Variants in SNX31 observed in about 807,000 individuals in gnomAD.
The protein encoded by SNX31 is sorting nexin-31.
SNX31 carries 58 observed loss-of-function variants against 65.4 expected under a neutral mutation model. That is an observed-to-expected ratio of 0.89 (90% CI 0.72 to 1.10). SNX31 has a LOEUF of 1.10. SNX31 is among the 50% of genes least tolerant of loss of function. The probability of loss-of-function intolerance (pLI) is 0.00; values close to 1 mark genes in which losing one functional copy is unlikely to be tolerated. For synonymous variants in SNX31, 181 were observed against 190.1 expected, an observed-to-expected ratio of 0.95 and a Z score of 0.39; for missense variants, 523 against 529.7, an observed-to-expected ratio of 0.99 and a Z score of 0.12.
At chr8:100,616,063 A>C (rs528759411) in intron 5 of SNX31, among the ~76,000 whole-genome samples, 25 of 152,316 alleles carry the variant, frequency 1.6e-4, no homozygotes, top group Admixed American at 3.9e-4. Flanking sequence ...CGTGAGCCAC[A>C]GTGCCTGGCC....
At chr8:100,659,823 C>T (rs1365688983) in intron 1 of SNX31, among the ~76,000 whole-genome samples, 1 of 152,098 alleles carries the variant, frequency 6.6e-6, no homozygotes, top group African/African-American at 2.4e-5. Flanking sequence ...AAGTTACCCC[C>T]AACCACAAAA....
At chr8:100,654,043 T>C (rs147386025), upstream of SNX31, among the ~76,000 whole-genome samples, 22 of 152,318 alleles carry the variant, frequency 1.4e-4, no homozygotes, top group African/African-American at 4.3e-4. Context: ...TCTTGCTCTG[T>C]TGCCCAGGTT....
intron 2 of SNX31, among the ~76,000 whole-genome samples, chr8:100,643,604 A>G (rs1819423301): frequency 6.6e-6 from 1 of 152,170 alleles, no homozygotes; most frequent in African/African-American, 2.4e-5. Flanking sequence ...GATCCTCAGC[A>G]CCATGAACCT....
At position 100,648,211 on chromosome 8, in the gene SNX31, T is replaced by C. The variant is rs1819772479; in HGVS notation, c.141+1063A>G. On this transcript the variant is annotated intron_variant, in intron 2 of 13. Transcript: ENST00000311812. This position sits in a 1 kb window ranked among gnomAD's most constrained non-coding sequence, Gnocchi z 4.3. ...CAGAAGATGGTTAAATGAAACATGG[T>C]GTATCTAACTCACTAGAAACCCAGA... 6.6e-6 allele frequency among the ~76,000 whole-genome samples: 1 copy of C among 152,096 alleles called. No individual in the cohort carries two copies. The highest frequency in any genetic ancestry group is 6.6e-5 in the Admixed American group (1 of 15,262).
chr8:100,601,067 T>C (rs1815579417), intron 8 of SNX31, among the ~76,000 whole-genome samples: 1 of 152,122 alleles, frequency 6.6e-6, no homozygotes, highest in Non-Finnish European at 1.5e-5. Context: ...AACACAGATA[T>C]TGGAAAAAAT....
At chr8:100,661,045 G>A (rs538088430) in intron 1 of SNX31, among the ~76,000 whole-genome samples, 56 of 139,782 alleles carry the variant, frequency 4.0e-4, no homozygotes, top group Middle Eastern at 7.9e-3. Flanking sequence ...TCTCTCTGTC[G>A]CCCAGGCTGG....
rs948021920 is a variant in SNX31, at chr8:100,625,418, T to C, written c.321+4909A>G. 6.7e-6 allele frequency among the ~76,000 whole-genome samples: 1 copy of C among 148,474 alleles called. No individual in the cohort carries two copies. Among genetic ancestry groups the C allele is most frequent in the Non-Finnish European group, 1.5e-5 (1 of 67,236 alleles). Reference sequence around the variant, plus strand: ...GCACCATGGCTATTAGACATTCCTCTGCCTCAGAGCAGAATAGCAACAAAG... The same window carrying C: ...GCACCATGGCTATTAGACATTCCTCCGCCTCAGAGCAGAATAGCAACAAAG... On this transcript the variant is annotated intron_variant, in intron 4 of 13. Coordinates refer to ENST00000311812, the MANE Select transcript of SNX31 (RefSeq NM_152628.4). This position sits in a 1 kb window ranked among gnomAD's most constrained non-coding sequence, Gnocchi z 4.2.
intron 3 of SNX31, among the ~76,000 whole-genome samples, chr8:100,634,403 T>C (rs1286837760): frequency 6.6e-6 from 1 of 152,178 alleles, no homozygotes; most frequent in Non-Finnish European, 1.5e-5. Context: ...CAGAAACTTT[T>C]TTTTTAACCT....
chr8:100,646,059 T>C (rs945252054), intron 2 of SNX31, among the ~76,000 whole-genome samples: 2 of 151,988 alleles, frequency 1.3e-5, no homozygotes, highest in Admixed American at 6.6e-5. Context: ...ATGAAGGGGA[T>C]TGAGAGCAAA....
rs563747210 is a variant in SNX31 at position 100,622,514 on chromosome 8, G to A, written c.322-4784C>T. 1.3e-5 allele frequency among the ~76,000 whole-genome samples: 2 copies of A among 152,122 alleles called. No homozygotes were observed. Among genetic ancestry groups the A allele is most frequent in the African/African-American group, 2.4e-5 (1 of 41,520 alleles). On this transcript the variant is annotated intron_variant, in intron 4 of 13. Transcript: ENST00000311812. The surrounding 1 kb of genome is among the most constrained non-coding windows in gnomAD (Gnocchi z 5.0). ...TAAAATACAGAAATTAGCTGGGCGT[G>A]GTGGCACATGCCTGTAATCTCAGCT...
intron 1 of SNX31, among the ~76,000 whole-genome samples, chr8:100,661,054 G>A (rs556791363): frequency 4.2e-4 from 63 of 149,842 alleles, no homozygotes; most frequent in Middle Eastern, 3.4e-3. Flanking sequence ...CGCCCAGGCT[G>A]GAGTGCAGTG....
In SNX31 at chr8:100,596,732, A is replaced by G. The variant is rs1468447746; in HGVS notation, c.885T>C (p.Asn295=). 1.9e-6 allele frequency: 3 copies of G among 1,613,344 alleles called. No individual in the cohort carries two copies. The highest frequency in any genetic ancestry group is 2.5e-6 in the Non-Finnish European group (3 of 1,179,472). ...GSGAVLSVGN[N]EISCCITLPD... ...GCAGGGTGATGCAGCAGCTGATCTC[A>G]TTATTGCCAACAGAAAGAACAGCTC... The change falls in exon 10 of 14, where the codon AAT becomes AAC. Residue 295 remains asparagine (N), a synonymous_variant. Coordinates refer to ENST00000311812, the MANE Select transcript of SNX31 (RefSeq NM_152628.4).
At chr8:100,659,888 C>A (rs1047811633) in intron 1 of SNX31, among the ~76,000 whole-genome samples, 14 of 152,002 alleles carry the variant, frequency 9.2e-5, no homozygotes, top group African/African-American at 3.1e-4. Context: ...TCACTTAATC[C>A]TTTTCCTTTT....
chr8:100,643,038 A>G (rs927440798), intron 2 of SNX31, among the ~76,000 whole-genome samples: 5 of 152,100 alleles, frequency 3.3e-5, no homozygotes, highest in African/African-American at 1.2e-4. Context: ...TAAAAATACA[A>G]AAATTAGCCA....
chr8:100,659,100 C>T (rs577383121), intron 1 of SNX31, among the ~76,000 whole-genome samples: 9 of 152,040 alleles, frequency 5.9e-5, no homozygotes, highest in Non-Finnish European at 1.3e-4. Context: ...AATACCAGCA[C>T]TTTGGGAGGC....
chr8:100,601,662 C>T (rs1342956065), intron 8 of SNX31, among the ~76,000 whole-genome samples: 1 of 152,160 alleles, frequency 6.6e-6, no homozygotes, highest in South Asian at 2.1e-4. Context: ...ATTGTTGGGT[C>T]CTGTCTGGTC....
At position 100,622,681 on chromosome 8, in the gene SNX31, TAAATAAATAAATAA is replaced by T. The variant is rs1197175619; in HGVS notation, c.322-4965_322-4952del. Among the ~76,000 whole-genome samples, 1 of 151,266 alleles carries T rather than the reference TAAATAAATAAATAA, an allele frequency of 6.6e-6. No individual in the cohort carries two copies. The highest frequency in any genetic ancestry group is 1.9e-4 in the East Asian group (1 of 5,180). Reference sequence around the variant, plus strand: ...ATAAATAAGTAAATAAATAAATAAATAAATAAATAAATAAAAATAAAAATAAATTAAATGGGGGC... The same window carrying T: ...ATAAATAAGTAAATAAATAAATAAATAAATAAAAATAAATTAAATGGGGGC... On this transcript the variant is annotated intron_variant, in intron 4 of 13. Transcript: ENST00000311812. The surrounding 1 kb of genome is among the most constrained non-coding windows in gnomAD (Gnocchi z 5.0).
In SNX31 at chr8:100,612,214, G is replaced by T; in HGVS notation, c.524-127C>A. 4 of 589,272 alleles carry T rather than the reference G, an allele frequency of 6.8e-6. No individual in the cohort carries two copies. Among genetic ancestry groups the T allele is most frequent in the South Asian group, 2.4e-5 (1 of 41,498 alleles). The allele number at this position is 589,272 out of a possible 1,614,324, so 36.5% of individuals were successfully genotyped here. A position where few individuals can be genotyped will look rare whatever the true frequency, so the allele number is the denominator to read the frequency against. On this transcript the variant is annotated intron_variant, in intron 6 of 13. Transcript: ENST00000311812. This position sits in a 1 kb window ranked among gnomAD's most constrained non-coding sequence, Gnocchi z 4.3. The stretch of plus-strand genomic sequence containing the variant: ...TAAAATCACAGTAAGAATATCCTCT[G>T]TATTTACACGTAATTTTAACTTTCT...
intron 8 of SNX31, among the ~76,000 whole-genome samples, chr8:100,602,629 C>T (rs970071567): frequency 6.6e-6 from 1 of 152,156 alleles, no homozygotes; most frequent in Non-Finnish European, 1.5e-5. Context: ...ACTACTCTTG[C>T]ACTTTAGGGC....
Sources: gnomAD v4.1 joint callset for allele counts (sites outside exome capture counted in the v4.1 genomes callset) on GRCh38, gnomAD v4.1.1 for gene constraint, Gnocchi (gnomAD v3.1) non-coding constraint, MANE v1.5 for transcripts, NCBI Gene and HGNC (gene_info 2026-07-23, HGNC 2026-07-21) for gene names.